The following KCNQ1 variants were observed in gnomAD, a reference collection of about 807,000 sequenced individuals.
The protein encoded by KCNQ1 is potassium voltage-gated channel subfamily KQT member 1.
A neutral mutation model predicts 72.4 loss-of-function variants in KCNQ1; 49 were observed. The ratio of observed to expected loss-of-function variants is 0.68; its 90% confidence interval spans 0.54 to 0.86. The LOEUF is 0.86. KCNQ1 is among the 40% of genes least tolerant of loss of function. KCNQ1 has a pLI of 0.00. For synonymous variants in KCNQ1, 450 were observed against 412.6 expected (o/e 1.09, Z -1.10); for missense variants, 790 against 945.1 (o/e 0.84, Z 2.15).
Position 2,808,567 on chromosome 11 carries a change from T to C in KCNQ1, c.1794+30530T>C, listed in dbSNP as rs943520913. Reference sequence around the variant, plus strand: ...AGAGAACTATCATTAATTTTTTAAATGGGAGTCCTCAGGTAGGTTGGTTGA... The same window carrying C: ...AGAGAACTATCATTAATTTTTTAAACGGGAGTCCTCAGGTAGGTTGGTTGA... On this transcript the variant is annotated intron_variant, in intron 15 of 15. Transcript: ENST00000155840. The surrounding 1 kb of genome is among the most constrained non-coding windows in gnomAD (Gnocchi z 6.0). 2.6e-5 allele frequency among the ~76,000 whole-genome samples: 4 copies of C among 152,186 alleles called. No individual in the cohort carries two copies. Among genetic ancestry groups the C allele is most frequent in the African/African-American group, 9.7e-5 (4 of 41,424 alleles).
chr11:2,693,623 C>T (rs1850625166), intron 11 of KCNQ1: 1 of 398,500 alleles, frequency 2.5e-6, no homozygotes, highest in African/African-American at 2.1e-5. Context: ...GAGCTTCGCC[C>T]AGCCGTAGGA....
At chr11:2,560,184 G>T (rs1230925423) in intron 2 of KCNQ1, among the ~76,000 whole-genome samples, 1 of 123,990 alleles carries the variant, frequency 8.1e-6, no homozygotes, top group Non-Finnish European at 1.8e-5. Context: ...CCATCCTGGG[G>T]AGGGGTGACA....
chr11:2,490,736 T>TAG (rs1846823469), intron 1 of KCNQ1, among the ~76,000 whole-genome samples: 1 of 152,220 alleles, frequency 6.6e-6, no homozygotes, highest in Admixed American at 6.5e-5. Context: ...TTGCCAAGGC[T>TAG]AGAGCGCAAT....
Position 2,642,134 on chromosome 11 carries a change from A to AT in KCNQ1, c.1394-19821dup, listed in dbSNP as rs1849590048. Reference sequence around the variant, plus strand: ...TTTTTGGTTCCATCTGAATTTTAGGATTTTTTCTATTTCCATGAAAAATGG... The same window carrying AT: ...TTTTTGGTTCCATCTGAATTTTAGGATTTTTTTCTATTTCCATGAAAAATGG... On this transcript the variant is annotated intron_variant, in intron 10 of 15. Transcript: ENST00000155840. This position sits in a 1 kb window ranked among gnomAD's most constrained non-coding sequence, Gnocchi z 4.3. 3 of 398,136 alleles carry AT rather than the reference A, an allele frequency of 7.5e-6. No individual in the cohort carries two copies. Among genetic ancestry groups the AT allele is most frequent in the South Asian group, 2.5e-4 (2 of 7,852 alleles). 24.7% of individuals were successfully genotyped at this position (398,136 alleles called of 1,614,324 possible). A position where few individuals can be genotyped will look rare whatever the true frequency, so the allele number is the denominator to read the frequency against.
Position 2,682,546 on chromosome 11 carries a change from A to G in KCNQ1, c.1514+20465A>G. On this transcript the variant is annotated intron_variant, in intron 11 of 15. Transcript: ENST00000155840. This position sits in a 1 kb window ranked among gnomAD's most constrained non-coding sequence, Gnocchi z 5.8. ...TCAAACCAGGTGCTAGGACCCTGGC[A>G]GGGGTTCCATAAGGCTATGCTGGGG... 1 of 398,536 alleles carries G rather than the reference A, an allele frequency of 2.5e-6. No homozygotes were observed. The highest frequency in any genetic ancestry group is 2.1e-5 in the African/African-American group (1 of 48,690). The allele number at this position is 398,536 out of a possible 1,614,324, so 24.7% of individuals were successfully genotyped here.
intron 10 of KCNQ1, chr11:2,643,044 T>C: frequency 2.5e-6 from 1 of 397,890 alleles, no homozygotes; most frequent in Non-Finnish European, 4.4e-6. Flanking sequence ...CAATTTAAAA[T>C]ATATATATAT....
At chr11:2,714,337 G>A (rs1242825813) in intron 11 of KCNQ1, among the ~76,000 whole-genome samples, 1 of 152,222 alleles carries the variant, frequency 6.6e-6, no homozygotes, top group Non-Finnish European at 1.5e-5. Context: ...AGGCACTATG[G>A]GCGAGCTGCC....
At chr11:2,823,633 C>T (rs1847783893) in intron 15 of KCNQ1, among the ~76,000 whole-genome samples, 1 of 152,130 alleles carries the variant, frequency 6.6e-6, no homozygotes, top group South Asian at 2.1e-4. Flanking sequence ...GAAGAGGCCA[C>T]CCAGGAAGAG....
intron 15 of KCNQ1, among the ~76,000 whole-genome samples, chr11:2,804,724 T>C (rs163165): frequency 0.86 from 131,541 of 152,316 alleles, 56,962 homozygotes; most frequent in East Asian, 1. Flanking sequence ...TGGCACAGGA[T>C]GAGCCTTGCA....
Position 2,592,327 on chromosome 11 carries a change from G to T in KCNQ1, c.1393+3473G>T, listed in dbSNP as rs1195268188. On this transcript the variant is annotated intron_variant, in intron 10 of 15. Transcript: ENST00000155840. This position sits in a 1 kb window ranked among gnomAD's most constrained non-coding sequence, Gnocchi z 5.2. ...GGCACAGGCAGGTATGGCAGTGGCA[G>T]ACCTCAGGGGAGGGAGGCTGGGAAG... 1.3e-5 allele frequency among the ~76,000 whole-genome samples: 2 copies of T among 152,228 alleles called. No homozygotes were observed. The highest frequency in any genetic ancestry group is 4.8e-5 in the African/African-American group (2 of 41,456).
chr11:2,540,053 G>T (rs755728259), intron 2 of KCNQ1, among the ~76,000 whole-genome samples: 31 of 152,076 alleles, frequency 2.0e-4, no homozygotes, highest in Non-Finnish European at 4.4e-5. Flanking sequence ...GGGGCTCCTA[G>T]GGGGCTGCTA....
In KCNQ1 at chr11:2,587,663, C is replaced by G. The variant is rs28730756; in HGVS notation, c.1222C>G (p.Pro408Ala). 8.4e-4 allele frequency: 1,355 copies of G among 1,613,906 alleles called. 2 individuals are homozygous for G. The African/African-American group carries it at 0.014, about 17-fold the overall frequency. The change falls in exon 9 of 16, where the codon CCC (proline) becomes GCC (alanine). Residue 408 changes from proline to alanine, a missense_variant. By Grantham distance (27) the Pro-to-Ala change is conservative (BLOSUM62 -1). This residue lies in a region of KCNQ1 where 178 missense variants were observed against 177.9 expected (regional missense o/e 1.00). Coordinates refer to ENST00000155840, the MANE Select transcript of KCNQ1 (RefSeq NM_000218.3). ...CCCCCGGAGCCACACTCTGCTGTCA[C>G]CCAGCCCCAAACCCAAGAAGTCTGT... The part of the protein sequence containing the change: ...KAPRSHTLLS[P>A]SPKPKKSVVV...
chr11:2,460,943 C>T (rs770112058), intron 1 of KCNQ1, among the ~76,000 whole-genome samples: 5 of 152,140 alleles, frequency 3.3e-5, no homozygotes, highest in Non-Finnish European at 7.4e-5. Flanking sequence ...GGTGTGGCCT[C>T]CTGTGGATGG....
intron 1 of KCNQ1, among the ~76,000 whole-genome samples, chr11:2,513,926 G>A (rs76144269): frequency 1.3e-5 from 2 of 152,130 alleles, no homozygotes; most frequent in East Asian, 1.9e-4. Context: ...GATGCCCCCC[G>A]GCCTGCAAGG....
Position 2,642,355 on chromosome 11 carries a change from T to G in KCNQ1, c.1394-19606T>G, listed in dbSNP as rs1849593118. 2 of 398,138 alleles carry G rather than the reference T, an allele frequency of 5.0e-6. No individual in the cohort carries two copies. Among genetic ancestry groups the G allele is most frequent in the Non-Finnish European group, 8.9e-6 (2 of 225,864 alleles). 24.7% of individuals were successfully genotyped at this position (398,138 alleles called of 1,614,324 possible). A position where few individuals can be genotyped will look rare whatever the true frequency, so the allele number is the denominator to read the frequency against. ...CTTTGGTTAAACTCATTCCTAGATT[T>G]TTTGTAGTGGTTGTAAAAGATAATG... On this transcript the variant is annotated intron_variant, in intron 10 of 15. Transcript: ENST00000155840. This position sits in a 1 kb window ranked among gnomAD's most constrained non-coding sequence, Gnocchi z 4.3.
Position 2,620,544 on chromosome 11 carries a change from T to C in KCNQ1, c.1393+31690T>C, listed in dbSNP as rs994892389. On this transcript the variant is annotated intron_variant, in intron 10 of 15. Transcript: ENST00000155840. This position sits in a 1 kb window ranked among gnomAD's most constrained non-coding sequence, Gnocchi z 4.5. ...TTCATTCATTTTTATGGCTGCATAG[T>C]ATTCCATGGTGTACATGTACCACAT... The C allele has an allele frequency of 2.5e-6, 1 of 395,374 alleles. No homozygotes were observed. The highest frequency in any genetic ancestry group is 4.5e-6 in the Non-Finnish European group (1 of 224,644). 24.5% of individuals were successfully genotyped at this position (395,374 alleles called of 1,614,324 possible). A position where few individuals can be genotyped will look rare whatever the true frequency, so the allele number is the denominator to read the frequency against.
chr11:2,568,823 C>A (rs181585579), intron 2 of KCNQ1, among the ~76,000 whole-genome samples: 28 of 152,162 alleles, frequency 1.8e-4, no homozygotes, highest in African/African-American at 2.2e-4. Context: ...CCACACCCCC[C>A]CCATGAGGCC....
At position 2,769,584 on chromosome 11, in the gene KCNQ1, T is replaced by TCC. The variant is rs1846557034; in HGVS notation, c.1590+666_1590+667dup. Among the ~76,000 whole-genome samples, 1 of 152,152 alleles carries TCC rather than the reference T, an allele frequency of 6.6e-6. No homozygotes were observed. The highest frequency in any genetic ancestry group is 6.5e-5 in the Admixed American group (1 of 15,280). The stretch of plus-strand genomic sequence containing the variant: ...CCATTGATGGCAGGCATGTCTCCCC[T>TCC]CCTGCCTTGGGGACATTCCTCGGAT... On this transcript the variant is annotated intron_variant, in intron 12 of 15. Coordinates refer to ENST00000155840, the MANE Select transcript of KCNQ1 (RefSeq NM_000218.3). The surrounding 1 kb of genome is among the most constrained non-coding windows in gnomAD (Gnocchi z 4.6).
At chr11:2,545,568 T>C (rs1008521412) in intron 2 of KCNQ1, among the ~76,000 whole-genome samples, 1 of 152,218 alleles carries the variant, frequency 6.6e-6, no homozygotes, top group African/African-American at 2.4e-5. Context: ...AGGTGATTGA[T>C]AATAGTTATA....
Sources: gnomAD v4.1 joint callset for allele counts (sites outside exome capture counted in the v4.1 genomes callset) on GRCh38, gnomAD v4.1.1 for gene constraint, gnomAD v4.1.1 regional missense constraint, Gnocchi (gnomAD v3.1) non-coding constraint, MANE v1.5 for transcripts, NCBI Gene and HGNC (gene_info 2026-07-23, HGNC 2026-07-21) for gene names.